CLHC1: variants seen among roughly 807,000 people sequenced by gnomAD.
The protein encoded by CLHC1 is clathrin heavy chain linker domain containing 1.
CLHC1 carries 72 observed loss-of-function variants against 69.5 expected under a neutral mutation model. The ratio of observed to expected loss-of-function variants is 1.04; its 90% CI spans 0.86 to 1.26. CLHC1 has a LOEUF of 1.26. Ranked by LOEUF, CLHC1 falls within the 50% of genes most tolerant of loss-of-function variation. The pLI, the probability that CLHC1 is intolerant of heterozygous loss-of-function variation, is 0.00. For synonymous variants in CLHC1, 223 were observed against 224.3 expected (o/e 0.99, Z 0.05); for missense variants, 790 against 679.3 (o/e 1.16, Z -1.81).
chr2:55,180,560 T>G lies in CLHC1; in HGVS notation c.1334A>C (p.Gln445Pro), dbSNP rs1409182324. The change falls in exon 11 of 13, where the codon CAG becomes CCG. Residue 445 changes from glutamine (Q) to proline (P), a missense_variant. By Grantham distance (76) the Gln-to-Pro change is moderately conservative (BLOSUM62 -1). Coordinates refer to ENST00000401408, the MANE Select transcript of CLHC1 (RefSeq NM_152385.4). ...TATGTACTCCATGACCCTATGAGTC[T>G]GACCCTGTTTACACAAGCAAAGAAT... ...KAILCLCKQG[Q>P]THRVMEYIQQ... 6.2e-7 allele frequency: 1 copy of G among 1,614,046 alleles called. No individual in the cohort carries two copies. Among genetic ancestry groups the G allele is most frequent in the East Asian group, 2.2e-5 (1 of 44,886 alleles).
chr2:55,205,396 A>G (rs1672338966), intron 9 of CLHC1, among the ~76,000 whole-genome samples: 1 of 112,966 alleles, frequency 8.9e-6, no homozygotes, highest in African/African-American at 3.1e-5. Context: ...TTGGATAAAG[A>G]AAATACACAC....
chr2:55,192,661 A>C (rs1193982589), intron 9 of CLHC1, among the ~76,000 whole-genome samples: 1 of 152,174 alleles, frequency 6.6e-6, no homozygotes, highest in Non-Finnish European at 1.5e-5. Flanking sequence ...CTGAAAGTCA[A>C]GAAATAAACT....
At position 55,174,012 on chromosome 2, in the gene CLHC1, GAAAA is replaced by G. The variant is rs146463473; in HGVS notation, c.*1774_*1777del. Among the ~76,000 whole-genome samples the G allele has an allele frequency of 2.4e-5, 3 of 127,196 alleles. No homozygotes were observed. Among genetic ancestry groups the G allele is most frequent in the Admixed American group, 7.7e-5 (1 of 12,958 alleles). 83.4% of individuals were successfully genotyped at this position (127,196 alleles called of 152,430 possible). On this transcript the variant is annotated 3_prime_UTR_variant, in exon 13 of 13. Transcript: ENST00000401408. Reference sequence around the variant, plus strand: ...TCTATCAATCATATAGGTCTCAAAGGAAAAAAAAAAAAAAAAAGGTTTTAAGCCG... The same window carrying G: ...TCTATCAATCATATAGGTCTCAAAGGAAAAAAAAAAAAAGGTTTTAAGCCG...
intron 12 of CLHC1, 125 bp downstream of exon 12, chr2:55,177,477 C>T: frequency 1.9e-6 from 1 of 540,296 alleles, no homozygotes; most frequent in Non-Finnish European, 3.2e-6. Context: ...TTTATAAACT[C>T]CTAAAGTTAA....
At chr2:55,179,580 T>C (rs1371243342) in intron 11 of CLHC1, among the ~76,000 whole-genome samples, 1 of 152,148 alleles carries the variant, frequency 6.6e-6, no homozygotes, top group Non-Finnish European at 1.5e-5. Flanking sequence ...CATGTTTGGT[T>C]CCATTTTGCA....
intron 4 of CLHC1, among the ~76,000 whole-genome samples, chr2:55,216,410 C>T (rs1673512316): frequency 6.6e-6 from 1 of 152,040 alleles, no homozygotes; most frequent in African/African-American, 2.4e-5. Context: ...CAGTAGGTTA[C>T]TTACCTTTGT....
In CLHC1 at chr2:55,192,080, C is replaced by T. The variant is rs1670985872; in HGVS notation, c.1007-10336G>A. 2.6e-5 allele frequency among the ~76,000 whole-genome samples: 4 copies of T among 151,944 alleles called. No homozygotes were observed. In the South Asian group the frequency reaches 8.3e-4, roughly 32 times the overall value. ...CATTAAATGTAAATAATCTAAGCAC[C>T]CCAACTAAAAGGCAAAGACTGTCAG... On this transcript the variant is annotated intron_variant, in intron 9 of 12. Coordinates refer to ENST00000401408, the MANE Select transcript of CLHC1 (RefSeq NM_152385.4).
At chr2:55,201,619 T>C (rs1372624475) in intron 9 of CLHC1, among the ~76,000 whole-genome samples, 1 of 152,154 alleles carries the variant, frequency 6.6e-6, no homozygotes, top group Non-Finnish European at 1.5e-5. Context: ...CTACTCAAGC[T>C]ATTCCAAAAA....
At chr2:55,203,260 A>G (rs1404844541) in intron 9 of CLHC1, among the ~76,000 whole-genome samples, 1 of 152,210 alleles carries the variant, frequency 6.6e-6, no homozygotes, top group East Asian at 1.9e-4. Context: ...GATTTAATGC[A>G]ATCCCTATCA....
At chr2:55,190,742 C>T (rs900046959) in intron 9 of CLHC1, among the ~76,000 whole-genome samples, 1 of 152,158 alleles carries the variant, frequency 6.6e-6, no homozygotes, top group Non-Finnish European at 1.5e-5. Context: ...TGTAGGACAA[C>T]TTCAGGCATA....
chr2:55,212,142 T>A (rs558236173), intron 5 of CLHC1, among the ~76,000 whole-genome samples: 1 of 152,184 alleles, frequency 6.6e-6, no homozygotes, highest in Admixed American at 6.5e-5. Flanking sequence ...CTGGGCACAG[T>A]GGCACGCGCC....
chr2:55,197,773 G>C (rs1023293766), intron 9 of CLHC1, among the ~76,000 whole-genome samples: 8 of 152,126 alleles, frequency 5.3e-5, no homozygotes, highest in South Asian at 4.1e-4. Flanking sequence ...TAAATACCCA[G>C]TTCTTCAATG....
intron 3 of CLHC1, 77 bp downstream of exon 3, chr2:55,222,158 A>C (rs1674188128): frequency 1.0e-6 from 1 of 973,348 alleles, no homozygotes; most frequent in Non-Finnish European, 1.6e-6. Context: ...GGTGTTACTA[A>C]GGCAGGAATA....
intron 9 of CLHC1, among the ~76,000 whole-genome samples, chr2:55,190,132 C>G (rs1670780278): frequency 6.6e-6 from 1 of 152,178 alleles, no homozygotes; most frequent in South Asian, 2.1e-4. Flanking sequence ...GCAAGCTCTG[C>G]CTCCCAGGTT....
At chr2:55,194,013 C>A (rs985238018) in intron 9 of CLHC1, among the ~76,000 whole-genome samples, 2 of 152,084 alleles carry the variant, frequency 1.3e-5, no homozygotes, top group African/African-American at 4.8e-5. Flanking sequence ...AAACCTGTAA[C>A]AAAAAGACCA....
At chr2:55,206,410 G>A in intron 8 of CLHC1, 34 bp from the exon 9 acceptor site, 1 of 1,195,210 alleles carries the variant, frequency 8.4e-7, no homozygotes, top group Non-Finnish European at 1.2e-6. Flanking sequence ...GCATTATAAT[G>A]ACACAAAGAA....
intron 9 of CLHC1, among the ~76,000 whole-genome samples, chr2:55,193,033 G>A (rs1348709115): frequency 6.9e-6 from 1 of 145,398 alleles, no homozygotes; most frequent in Non-Finnish European, 1.5e-5. Flanking sequence ...TGGGATTCCA[G>A]GTACCCGCCA....
chr2:55,212,659 A>C lies in CLHC1; in HGVS notation c.499+14T>G, dbSNP rs771034284. 1 of 1,575,908 alleles carries C rather than the reference A, an allele frequency of 6.3e-7. No homozygotes were observed. Among genetic ancestry groups the C allele is most frequent in the South Asian group, 1.1e-5 (1 of 88,628 alleles). ...TCAGGATTTCTCTCAAATATTTTAA[A>C]CAAAATACAATACCTGGAATAGGTT... On this transcript the variant is annotated intron_variant, in intron 5 of 12. Coordinates refer to ENST00000401408, the MANE Select transcript of CLHC1 (RefSeq NM_152385.4).
intron 1 of CLHC1, among the ~76,000 whole-genome samples, chr2:55,230,435 G>C (rs1558530814): frequency 6.6e-6 from 1 of 152,234 alleles, no homozygotes; most frequent in African/African-American, 2.4e-5. Flanking sequence ...TGAGTAGATA[G>C]CTGGATATGT....
Sources: gnomAD v4.1 joint callset for allele counts (sites outside exome capture counted in the v4.1 genomes callset) on GRCh38, gnomAD v4.1.1 for gene constraint, MANE v1.5 for transcripts, NCBI Gene and HGNC (gene_info 2026-07-23, HGNC 2026-07-21) for gene names.